HS6ST2: variants seen among roughly 807,000 people sequenced by gnomAD.
HS6ST2 encodes heparan-sulfate 6-O-sulfotransferase 2.
A neutral mutation model predicts 33.0 loss-of-function variants in HS6ST2; 17 were observed. The ratio of observed to expected loss-of-function variants is 0.52; its 90% confidence interval spans 0.35 to 0.77. HS6ST2 has a LOEUF of 0.77. Ranked by LOEUF, HS6ST2 falls within the 30% of genes least tolerant of loss-of-function variation. The pLI, the probability that HS6ST2 is intolerant of heterozygous loss-of-function variation, is 0.01. For synonymous variants in HS6ST2, 248 were observed against 237.1 expected, an observed-to-expected ratio of 1.05 and a Z score of -0.42; for missense variants, 519 against 551.7, an observed-to-expected ratio of 0.94 and a Z score of 0.59.
intron 4 of HS6ST2, among the ~76,000 whole-genome samples, chrX:132,649,028 G>A (rs960053836): frequency 1.8e-5 from 2 of 112,301 alleles, no homozygotes. Flanking sequence ...GTAATTTCCT[G>A]AATGTCAAAA....
chrX:132,692,470 G>A (rs2064073603), intron 3 of HS6ST2, among the ~76,000 whole-genome samples: 1 of 110,544 alleles, frequency 9.0e-6, no homozygotes, highest in Non-Finnish European at 1.9e-5. Context: ...CTTGACAACC[G>A]TACGCAGCTC....
chrX:132,944,506 TA>T (rs1221839396), intron 2 of HS6ST2, among the ~76,000 whole-genome samples: 1 of 111,708 alleles, frequency 9.0e-6, no homozygotes, highest in Non-Finnish European at 1.9e-5. Flanking sequence ...AAAACTACTT[TA>T]AAGTTCATAT....
chrX:132,703,507 T>C, intron 3 of HS6ST2, among the ~76,000 whole-genome samples: 1 of 112,431 alleles, frequency 8.9e-6, no homozygotes, highest in East Asian at 2.8e-4. Context: ...ACCATTCTTC[T>C]GCAAAAAGGG....
chrX:132,760,409 C>A (rs2064795047), intron 2 of HS6ST2, among the ~76,000 whole-genome samples: 1 of 111,065 alleles, frequency 9.0e-6, no homozygotes, highest in South Asian at 3.9e-4. Context: ...AGGAACTTTT[C>A]CCCTTTTGCT....
At chrX:132,637,306 G>A (rs1031493198) in intron 4 of HS6ST2, among the ~76,000 whole-genome samples, 5 of 111,468 alleles carry the variant, frequency 4.5e-5, no homozygotes, top group Non-Finnish European at 7.5e-5. Flanking sequence ...TCCTAGGCAT[G>A]TGGCTTCAGA....
intron 4 of HS6ST2, among the ~76,000 whole-genome samples, chrX:132,657,302 T>C (rs1471522691): frequency 9.0e-6 from 1 of 111,013 alleles, no homozygotes; most frequent in Non-Finnish European, 1.9e-5. Context: ...CCTCCAGACT[T>C]GGTGTGTGTT....
chrX:132,689,873 T>C (rs1485926892), intron 3 of HS6ST2, among the ~76,000 whole-genome samples: 1 of 87,506 alleles, frequency 1.1e-5, no homozygotes, highest in Non-Finnish European at 2.2e-5. Flanking sequence ...TAAAACATTA[T>C]GAGATTTTTT....
intron 4 of HS6ST2, among the ~76,000 whole-genome samples, chrX:132,645,543 CT>C (rs1446301937): frequency 4.4e-5 from 5 of 112,384 alleles, no homozygotes; most frequent in African/African-American, 1.6e-4. Flanking sequence ...TGTTGTTCCC[CT>C]ATCCCACCTC....
chrX:132,742,383 C>G (rs2064588454), intron 2 of HS6ST2, among the ~76,000 whole-genome samples: 1 of 111,966 alleles, frequency 8.9e-6, no homozygotes, highest in African/African-American at 3.2e-5. Flanking sequence ...CAATGGCTTG[C>G]TTCCCTAAGT....
chrX:132,637,192 CA>C (rs1277177398), intron 4 of HS6ST2, among the ~76,000 whole-genome samples: 1 of 112,281 alleles, frequency 8.9e-6, no homozygotes, highest in African/African-American at 3.2e-5. Context: ...CTCTCAGGTC[CA>C]CTCACTGAAT....
At chrX:132,961,334 T>C (rs2067140866), upstream of HS6ST2, 1 of 110,977 alleles carries the variant, frequency 9.0e-6, no homozygotes, top group Admixed American at 9.6e-5. Context: ...CCCAGAACCG[T>C]CCTTCCATGG....
chrX:132,854,401 A>G (rs2065832791), intron 2 of HS6ST2, among the ~76,000 whole-genome samples: 1 of 112,811 alleles, frequency 8.9e-6, no homozygotes, highest in South Asian at 3.7e-4. Context: ...TTGTCCTGGT[A>G]TCTGCTTCTA....
intron 2 of HS6ST2, among the ~76,000 whole-genome samples, chrX:132,838,262 G>A (rs899825073): frequency 2.7e-5 from 3 of 111,786 alleles, no homozygotes; most frequent in Admixed American, 9.5e-5. Flanking sequence ...TACTGCCAGA[G>A]AGTCATCAGT....
chrX:132,884,914 T>A (rs2066231655), intron 2 of HS6ST2, among the ~76,000 whole-genome samples: 1 of 111,617 alleles, frequency 9.0e-6, no homozygotes. Flanking sequence ...TAAGAATTCT[T>A]CATGGCGTAG....
intron 2 of HS6ST2, among the ~76,000 whole-genome samples, chrX:132,941,800 C>CTT (rs747038621): frequency 2.8e-5 from 3 of 107,304 alleles, no homozygotes; most frequent in Non-Finnish European, 5.8e-5. Context: ...AAAATGATCT[C>CTT]TTTTTTTTTT....
intron 2 of HS6ST2, among the ~76,000 whole-genome samples, chrX:132,824,601 A>G (rs986783784): frequency 8.9e-6 from 1 of 112,494 alleles, no homozygotes; most frequent in Non-Finnish European, 1.9e-5. Flanking sequence ...AATACCTGCC[A>G]GAAGGCCTGG....
At chrX:132,794,786 T>C (rs1455060171) in intron 2 of HS6ST2, among the ~76,000 whole-genome samples, 3 of 110,795 alleles carry the variant, frequency 2.7e-5, no homozygotes, top group Non-Finnish European at 5.7e-5. Context: ...CTAGTCACTG[T>C]GCAGTTGCAG....
chrX:132,881,089 A>C lies in HS6ST2; in HGVS notation c.947+75719T>G, dbSNP rs755811847. Among the ~76,000 whole-genome samples, 449 of 111,135 alleles carry C rather than the reference A, an allele frequency of 4.0e-3. 3 individuals carry two copies. The highest frequency in any genetic ancestry group is 6.1e-3 in the Non-Finnish European group (321 of 53,045). Reference sequence around the variant, plus strand: ...GTGAATAGTGCCACAATAAACATACATGTGCATGTGTCTTTATAGCAGCAC... The same window carrying C: ...GTGAATAGTGCCACAATAAACATACCTGTGCATGTGTCTTTATAGCAGCAC... On this transcript the variant is annotated intron_variant, in intron 2 of 4. Transcript: ENST00000370833.
At chrX:132,808,627 T>C (rs976984702) in intron 2 of HS6ST2, 2 of 112,154 alleles carry the variant, frequency 1.8e-5, no homozygotes, top group African/African-American at 6.5e-5. Flanking sequence ...CCCACTAGAA[T>C]AAGGAAGACA....
Sources: allele counts gnomAD v4.1 joint callset (sites outside exome capture counted in the v4.1 genomes callset), GRCh38; gene constraint gnomAD v4.1.1; transcripts MANE v1.5; gene names NCBI Gene and HGNC (gene_info 2026-07-23, HGNC 2026-07-21).